TSPAN9: variants seen among roughly 807,000 people sequenced by gnomAD.
TSPAN9 encodes the protein tetraspanin-9.
A neutral mutation model predicts 31.0 loss-of-function variants in TSPAN9; 16 were observed. The ratio of observed to expected loss-of-function variants is 0.52; its 90% CI spans 0.35 to 0.78. The LOEUF is 0.78. TSPAN9 is among the 30% of genes least tolerant of loss of function. TSPAN9 has a pLI of 0.01. For missense variants in TSPAN9, 272 were observed against 312.5 expected (o/e 0.87, Z 0.98); for synonymous variants, 145 against 121.6 (o/e 1.19, Z -1.27).
At chr12:3,110,660 G>A (rs761406578) in intron 2 of TSPAN9, among the ~76,000 whole-genome samples, 2 of 152,172 alleles carry the variant, frequency 1.3e-5, no homozygotes, top group Non-Finnish European at 2.9e-5. Flanking sequence ...GTCCTTGCTG[G>A]CTGAATGAGT....
chr12:3,100,524 C>T (rs1444871974), intron 2 of TSPAN9, among the ~76,000 whole-genome samples: 1 of 152,158 alleles, frequency 6.6e-6, no homozygotes, highest in Non-Finnish European at 1.5e-5. Flanking sequence ...TCAGGGATTG[C>T]AGTCCTGTGT....
At chr12:3,112,901 G>C (rs888316888) in intron 2 of TSPAN9, among the ~76,000 whole-genome samples, 2 of 151,818 alleles carry the variant, frequency 1.3e-5, no homozygotes, top group South Asian at 2.1e-4. Context: ...GGTTGGTCTC[G>C]AACTCCTGGC....
intron 2 of TSPAN9, among the ~76,000 whole-genome samples, chr12:3,186,839 G>C (rs957054569): frequency 6.6e-6 from 1 of 152,176 alleles, no homozygotes; most frequent in African/African-American, 2.4e-5. Context: ...TGGGGAGGAG[G>C]GGGCAGGATG....
chr12:3,235,984 G>A (rs903653425), intron 3 of TSPAN9, among the ~76,000 whole-genome samples: 1 of 152,352 alleles, frequency 6.6e-6, no homozygotes, highest in East Asian at 1.9e-4. Flanking sequence ...CCGCTGGGGC[G>A]GCATGAGGGA....
chr12:3,226,385 T>G (rs1382811999), intron 3 of TSPAN9, among the ~76,000 whole-genome samples: 1 of 151,906 alleles, frequency 6.6e-6, no homozygotes, highest in East Asian at 1.9e-4. Context: ...AAGGTCAGAT[T>G]CACATCCAAG....
intron 3 of TSPAN9, among the ~76,000 whole-genome samples, chr12:3,233,702 G>A (rs2098391953): frequency 6.6e-6 from 1 of 152,198 alleles, no homozygotes; most frequent in Non-Finnish European, 1.5e-5. Context: ...AAGCTGCTGT[G>A]AGCATCTTTG....
chr12:3,282,485 C>T (rs1862914954), intron 8 of TSPAN9, among the ~76,000 whole-genome samples: 1 of 152,220 alleles, frequency 6.6e-6, no homozygotes, highest in South Asian at 2.1e-4. Flanking sequence ...CCACAAACTC[C>T]TGGGCTCAAG....
chr12:3,096,373 G>A (rs2098308928), intron 2 of TSPAN9, among the ~76,000 whole-genome samples: 1 of 152,112 alleles, frequency 6.6e-6, no homozygotes, highest in Non-Finnish European at 1.5e-5. Flanking sequence ...GGCCTCACTG[G>A]CATTCTTAGA....
chr12:3,272,339 C>G (rs932671750), intron 3 of TSPAN9, among the ~76,000 whole-genome samples: 3 of 152,228 alleles, frequency 2.0e-5, no homozygotes, highest in Admixed American at 2.0e-4. Flanking sequence ...TCCTGTTCCC[C>G]AGCTATGGCC....
intron 2 of TSPAN9, among the ~76,000 whole-genome samples, chr12:3,088,713 G>C (rs1296125528): frequency 2.6e-5 from 4 of 152,198 alleles, no homozygotes; most frequent in East Asian, 1.9e-4. Context: ...AGGGGATCAG[G>C]CTGGGCCTTG....
At chr12:3,121,655 G>A (rs2098325224) in intron 2 of TSPAN9, among the ~76,000 whole-genome samples, 1 of 144,030 alleles carries the variant, frequency 6.9e-6, no homozygotes, top group Admixed American at 7.4e-5. Context: ...TAGGGTTATA[G>A]ATATGAGCCA....
At chr12:3,179,741 C>A (rs916280603) in intron 2 of TSPAN9, among the ~76,000 whole-genome samples, 1 of 152,156 alleles carries the variant, frequency 6.6e-6, no homozygotes, top group Non-Finnish European at 1.5e-5. Context: ...TACATATTGT[C>A]CATTCCAGAT....
chr12:3,124,831 G>C (rs1591638387), intron 2 of TSPAN9: 1 of 152,250 alleles, frequency 6.6e-6, no homozygotes, highest in African/African-American at 2.4e-5. Context: ...GCTGAGGCAG[G>C]AGGATCGCTT....
intron 3 of TSPAN9, among the ~76,000 whole-genome samples, chr12:3,207,212 C>T (rs1456448619): frequency 2.0e-5 from 3 of 152,074 alleles, no homozygotes; most frequent in Non-Finnish European, 2.9e-5. Flanking sequence ...ACCACCGTGA[C>T]AGGTCTTGCT....
chr12:3,113,051 A>G (rs2098320004), intron 2 of TSPAN9, among the ~76,000 whole-genome samples: 1 of 152,192 alleles, frequency 6.6e-6, no homozygotes, highest in Admixed American at 6.5e-5. Flanking sequence ...TTCAGGAGCT[A>G]TTCGATGAAT....
At chr12:3,222,417 T>C (rs2098385061) in intron 3 of TSPAN9, among the ~76,000 whole-genome samples, 1 of 152,214 alleles carries the variant, frequency 6.6e-6, no homozygotes, top group Non-Finnish European at 1.5e-5. Flanking sequence ...CAGCAAGTGC[T>C]TCCTGGGCAT....
At chr12:3,216,645 A>C (rs1242928325) in intron 3 of TSPAN9, among the ~76,000 whole-genome samples, 1 of 152,208 alleles carries the variant, frequency 6.6e-6, no homozygotes, top group East Asian at 1.9e-4. Context: ...TGGAACCCGG[A>C]GTGGCCCTAA....
At chr12:3,113,232 A>G (rs2098320140) in intron 2 of TSPAN9, among the ~76,000 whole-genome samples, 2 of 152,142 alleles carry the variant, frequency 1.3e-5, no homozygotes, top group African/African-American at 4.8e-5. Context: ...GTAAAGGCCT[A>G]GGGGCTGTAA....
At chr12:3,122,071 C>T in intron 2 of TSPAN9, among the ~76,000 whole-genome samples, 1 of 152,132 alleles carries the variant, frequency 6.6e-6, no homozygotes, top group Non-Finnish European at 1.5e-5. Context: ...GCGCGTGGCT[C>T]ACGCCTGTAA....
Sources: allele counts gnomAD v4.1 joint callset (sites outside exome capture counted in the v4.1 genomes callset), GRCh38; gene constraint gnomAD v4.1.1; transcripts MANE v1.5; gene names NCBI Gene and HGNC (gene_info 2026-07-23, HGNC 2026-07-21).